Variants in SAMHD1 observed in about 807,000 individuals in gnomAD.
SAMHD1 encodes SAM and HD domain containing deoxynucleoside triphosphate triphosphohydrolase 1.
In SAMHD1, 54 loss-of-function variants were observed where a neutral mutation model predicts 79.6. The observed-to-expected ratio is 0.68, with a 90% CI of 0.55 to 0.85. SAMHD1 has a LOEUF of 0.85. Among genes scored for constraint, SAMHD1 ranks in the 40% least tolerant of loss-of-function variants. SAMHD1 has a pLI of 0.00. For missense variants in SAMHD1, 663 were observed against 782.7 expected, an observed-to-expected ratio of 0.85 and a Z score of 1.82; for synonymous variants, 260 against 264.1, an observed-to-expected ratio of 0.98 and a Z score of 0.15.
At chr20:36,913,266 G>C (rs1240462655) in intron 9 of SAMHD1, among the ~76,000 whole-genome samples, 3 of 150,504 alleles carry the variant, frequency 2.0e-5, no homozygotes, top group African/African-American at 4.9e-5. Context: ...CATAGTGCTG[G>C]GATTACAGGC....
intron 15 of SAMHD1, among the ~76,000 whole-genome samples, chr20:36,895,494 T>C (rs1990180537): frequency 6.6e-6 from 1 of 152,050 alleles, no homozygotes; most frequent in Admixed American, 6.6e-5. Flanking sequence ...GAAAAATTAA[T>C]AATAATTATT....
chr20:36,951,420 C>G lies in SAMHD1; in HGVS notation c.208+16G>C. 6.2e-7 allele frequency: 1 copy of G among 1,613,202 alleles called. No individual in the cohort carries two copies. The highest frequency in any genetic ancestry group is 8.5e-7 in the Non-Finnish European group (1 of 1,179,814). On this transcript the variant is annotated intron_variant, in intron 1 of 15. Transcript: ENST00000646673. ...GGTCGCCGCCCTTCGCCCCTCAGCC[C>G]CTCCGGAGCCGCTACCTCGGATGTT...
chr20:36,927,040 A>G, intron 6 of SAMHD1, 142 bp downstream of exon 6: 1 of 690,774 alleles, frequency 1.4e-6, no homozygotes, highest in East Asian at 2.7e-5. Flanking sequence ...GCATATATAT[A>G]TATATGTGAA....
At chr20:36,911,696 A>C (rs935012122) in intron 10 of SAMHD1, 1 of 211,990 alleles carries the variant, frequency 4.7e-6, no homozygotes, top group African/African-American at 2.3e-5. Context: ...ACAAAACAAC[A>C]ACAATAACAA....
At chr20:36,949,600 C>CA in intron 1 of SAMHD1, among the ~76,000 whole-genome samples, 1 of 150,038 alleles carries the variant, frequency 6.7e-6, no homozygotes, top group Non-Finnish European at 1.5e-5. Flanking sequence ...ACTAAAAATA[C>CA]AAAAAAATTA....
intron 10 of SAMHD1, chr20:36,912,137 T>G: frequency 3.1e-6 from 1 of 319,140 alleles, no homozygotes. Flanking sequence ...ATTCTCCTGA[T>G]GAGAATGGTG....
intron 1 of SAMHD1, among the ~76,000 whole-genome samples, chr20:36,948,661 G>A (rs1263537760): frequency 6.6e-6 from 1 of 151,306 alleles, no homozygotes; most frequent in Non-Finnish European, 1.5e-5. Context: ...CAGGTCAAGA[G>A]ATTAAGACCA....
intron 2 of SAMHD1, among the ~76,000 whole-genome samples, chr20:36,945,929 A>T (rs1290655314): frequency 1.3e-5 from 2 of 150,570 alleles, no homozygotes; most frequent in East Asian, 1.9e-4. Context: ...AAATAAAATT[A>T]AAAATAAACT....
At chr20:36,899,386 C>G (rs1038848164) in intron 13 of SAMHD1, among the ~76,000 whole-genome samples, 7 of 152,064 alleles carry the variant, frequency 4.6e-5, no homozygotes, top group African/African-American at 1.7e-4. Flanking sequence ...TGAGATTGCG[C>G]CACTGCACTC....
chr20:36,905,325 G>C (rs1469195109), intron 12 of SAMHD1, 39 bp downstream of exon 12: 3 of 1,608,904 alleles, frequency 1.9e-6, no homozygotes, highest in East Asian at 2.2e-5. Context: ...GGAGGACAGA[G>C]ATAACCTTTC....
Position 36,898,612 on chromosome 20 carries a change from A to G in SAMHD1, c.1504-68T>C. 4 of 1,236,624 alleles carry G rather than the reference A, an allele frequency of 3.2e-6. No homozygotes were observed. In the South Asian group the frequency reaches 4.8e-5, roughly 15 times the overall value. 76.6% of individuals were successfully genotyped at this position (1,236,624 alleles called of 1,614,324 possible). On this transcript the variant is annotated intron_variant, in intron 13 of 15. Coordinates refer to ENST00000646673, the MANE Select transcript of SAMHD1 (RefSeq NM_015474.4). ...GAACTGAACTCAGGGCTGTAGGAGCATAACAAGAAATGGAACAGAGGCCGG... is the reference window on the plus strand; with the variant it reads ...GAACTGAACTCAGGGCTGTAGGAGCGTAACAAGAAATGGAACAGAGGCCGG...
rs759970842 is a variant in SAMHD1, at chr20:36,930,727, T to C, written c.625+33A>G. ...AGAGAGGTAACATATGTTATGATTT[T>C]ACATAACAACTTTGTCTCTTTGTAC... On this transcript the variant is annotated intron_variant, in intron 5 of 15. Transcript: ENST00000646673. 4 of 1,391,558 alleles carry C rather than the reference T, an allele frequency of 2.9e-6. No homozygotes were observed. In the African/African-American group the frequency reaches 4.2e-5, roughly 15 times the overall value. 86.2% of individuals were successfully genotyped at this position (1,391,558 alleles called of 1,614,324 possible). A position where few individuals can be genotyped will look rare whatever the true frequency, so the allele number is the denominator to read the frequency against.
rs932979050 is a variant in SAMHD1, at chr20:36,892,635, GA to G, written c.*296del. 2.8e-5 allele frequency: 11 copies of G among 397,234 alleles called. No homozygotes were observed. The highest frequency in any genetic ancestry group is 7.8e-5 in the Admixed American group (2 of 25,692). 24.6% of individuals were successfully genotyped at this position (397,234 alleles called of 1,614,324 possible). ...GAGCAAAACCTTGTCTCTTAAAAAA[GA>G]AAAAAAATAGAGTTCAGAATAGATA... On this transcript the variant is annotated 3_prime_UTR_variant, in exon 16 of 16. Coordinates refer to ENST00000646673, the MANE Select transcript of SAMHD1 (RefSeq NM_015474.4).
At chr20:36,950,063 A>G (rs2063723403) in intron 1 of SAMHD1, among the ~76,000 whole-genome samples, 1 of 151,908 alleles carries the variant, frequency 6.6e-6, no homozygotes, top group South Asian at 2.1e-4. Flanking sequence ...ACAAAGCAGA[A>G]GCTAAGACAT....
At chr20:36,900,085 C>T (rs1645949548) in intron 13 of SAMHD1, among the ~76,000 whole-genome samples, 1 of 140,506 alleles carries the variant, frequency 7.1e-6, no homozygotes, top group East Asian at 2.0e-4. Context: ...CACAGTGAGA[C>T]TCCGTCTCAA....
rs1555830170 is a variant in SAMHD1, at chr20:36,890,418, C to CTTTCTTTCTTTCTTTCTTTCTTTCT, written c.*2513_*2514insAGAAAGAAAGAAAGAAAGAAAGAAA. ...TTTCTCTTTCTTTCTTTCTTTCTTTCTTTTCTTTCTCTCTTTCCTTCCTTC... is the reference window on the plus strand; with the variant it reads ...TTTCTCTTTCTTTCTTTCTTTCTTTCTTTCTTTCTTTCTTTCTTTCTTTCTTTTTCTTTCTCTCTTTCCTTCCTTC... On this transcript the variant is annotated 3_prime_UTR_variant, in exon 16 of 16. Coordinates refer to ENST00000646673, the MANE Select transcript of SAMHD1 (RefSeq NM_015474.4). 1.1e-3 allele frequency: 19 copies of CTTTCTTTCTTTCTTTCTTTCTTTCT among 17,802 alleles called. No homozygotes were observed. The East Asian group carries it at 0.029, about 27-fold the overall frequency. The allele number at this position is 17,802 out of a possible 1,614,324, so 1.1% of individuals were successfully genotyped here.
intron 5 of SAMHD1, among the ~76,000 whole-genome samples, chr20:36,927,727 G>A (rs1226899381): frequency 1.3e-5 from 2 of 152,132 alleles, no homozygotes; most frequent in Non-Finnish European, 2.9e-5. Context: ...TCTAAAACAG[G>A]AGAACAGGAA....
chr20:36,922,126 C>T (rs1293178364), intron 6 of SAMHD1, among the ~76,000 whole-genome samples: 1 of 152,026 alleles, frequency 6.6e-6, no homozygotes, highest in Non-Finnish European at 1.5e-5. Context: ...AAGTCACTAA[C>T]GATAAAGACT....
chr20:36,914,446 G>A (rs1202911674), intron 9 of SAMHD1, among the ~76,000 whole-genome samples: 2 of 151,944 alleles, frequency 1.3e-5, no homozygotes, highest in African/African-American at 4.8e-5. Flanking sequence ...CGCCTCCCGG[G>A]TTCAAGTTAT....
Sources: gnomAD v4.1 joint callset for allele counts (sites outside exome capture counted in the v4.1 genomes callset) on GRCh38, gnomAD v4.1.1 for gene constraint, MANE v1.5 for transcripts, NCBI Gene and HGNC (gene_info 2026-07-23, HGNC 2026-07-21) for gene names.